KCNAB1: variants seen among roughly 807,000 people sequenced by gnomAD.
KCNAB1 encodes the protein potassium voltage-gated channel subfamily A regulatory beta subunit 1.
In KCNAB1, 35 loss-of-function variants were observed where a neutral mutation model predicts 64.6. That is an observed-to-expected ratio of 0.54 (90% CI 0.41 to 0.72). The LOEUF (loss-of-function observed/expected upper bound fraction) is 0.72, where lower values mean the gene tolerates loss of function less well. KCNAB1 is among the 30% of genes least tolerant of loss of function. KCNAB1 has a pLI of 0.00. For missense variants in KCNAB1, 401 were observed against 512.9 expected (o/e 0.78, Z 2.11); for synonymous variants, 177 against 183.8 (o/e 0.96, Z 0.30).
chr3:156,395,549 A>G lies in KCNAB1; in HGVS notation c.276-26067A>G, dbSNP rs1015128062. 8.5e-4 allele frequency among the ~76,000 whole-genome samples: 71 copies of G among 83,560 alleles called. No individual in the cohort carries two copies. The East Asian group carries it at 0.011, about 13-fold the overall frequency. The allele number at this position is 83,560 out of a possible 152,430, so 54.8% of individuals were successfully genotyped here. ...GACAGAGCGAGACTCCGTCTCAAAA[A>G]AAAAAAAAAAAAAAAAAAAAAAAAA... On this transcript the variant is annotated intron_variant, in intron 1 of 13. Coordinates refer to ENST00000490337, the MANE Select transcript of KCNAB1 (RefSeq NM_172160.3).
intron 3 of KCNAB1, chr3:156,457,135 A>G (rs1389347844): frequency 4.1e-6 from 4 of 980,020 alleles, no homozygotes; most frequent in African/African-American, 3.4e-5. Context: ...CCTCTTTGTC[A>G]GAAAGATTAA....
At chr3:156,490,812 G>A (rs893981442) in intron 8 of KCNAB1, among the ~76,000 whole-genome samples, 6 of 152,098 alleles carry the variant, frequency 3.9e-5, no homozygotes, top group Admixed American at 6.5e-5. Flanking sequence ...TTTCCAGATC[G>A]GAAGAACACA....
At chr3:156,360,267 A>G (rs1006796735) in intron 1 of KCNAB1, among the ~76,000 whole-genome samples, 1 of 152,136 alleles carries the variant, frequency 6.6e-6, no homozygotes, top group Non-Finnish European at 1.5e-5. Context: ...CCAGCTGCCC[A>G]TTTATCATCT....
intron 1 of KCNAB1, among the ~76,000 whole-genome samples, chr3:156,297,588 A>G (rs923247074): frequency 2.6e-5 from 4 of 152,198 alleles, no homozygotes; most frequent in African/African-American, 9.6e-5. Context: ...CAAAAGACTC[A>G]GACCAGATAC....
At chr3:156,206,827 A>G (rs1245274790) in intron 1 of KCNAB1, among the ~76,000 whole-genome samples, 2 of 152,120 alleles carry the variant, frequency 1.3e-5, no homozygotes, top group Non-Finnish European at 2.9e-5. Context: ...TTAGATTTCA[A>G]TCCTTTTGTA....
rs550914064 is a variant in KCNAB1 at position 156,426,540 on chromosome 3, G to GT, written c.319+4885dup. 1.5e-4 allele frequency among the ~76,000 whole-genome samples: 23 copies of GT among 152,228 alleles called. No homozygotes were observed. In the East Asian group the frequency reaches 4.4e-3, roughly 29 times the overall value. On this transcript the variant is annotated intron_variant, in intron 2 of 13. Transcript: ENST00000490337. ...ACTATTGGTGTTGTACACTCTATGG[G>GT]TTTTGACAAATATATAATGACTTGT...
chr3:156,238,385 G>GCACT (rs1411646822), intron 1 of KCNAB1, among the ~76,000 whole-genome samples: 1 of 140,430 alleles, frequency 7.1e-6, no homozygotes, highest in East Asian at 2.1e-4. Context: ...TCACGCCACT[G>GCACT]CACTCTGGCC....
chr3:156,458,800 C>T (rs1035905136), intron 4 of KCNAB1, among the ~76,000 whole-genome samples: 14 of 152,150 alleles, frequency 9.2e-5, no homozygotes, highest in Non-Finnish European at 1.6e-4. Flanking sequence ...TTGTATTACT[C>T]CTGTGAGGAT....
chr3:156,523,914 C>A lies in KCNAB1; in HGVS notation c.1048C>A (p.Arg350Ser). The change falls in exon 12 of 14, where the codon CGT (arginine) becomes AGT (serine). Residue 350 changes from arginine to serine, a missense_variant. Coordinates refer to ENST00000490337, the MANE Select transcript of KCNAB1 (RefSeq NM_172160.3). Reference sequence around the variant, plus strand: ...AAAAGACCTTTCCCCAATTGCGGAGCGTCTGGGATGCACACTACCTCAGCT... The same window carrying A: ...AAAAGACCTTTCCCCAATTGCGGAGAGTCTGGGATGCACACTACCTCAGCT... The part of the protein sequence containing the change: ...KLKDLSPIAE[R>S]LGCTLPQLAV... 1 of 1,613,962 alleles carries A rather than the reference C, an allele frequency of 6.2e-7. No individual in the cohort carries two copies. The highest frequency in any genetic ancestry group is 8.5e-7 in the Non-Finnish European group (1 of 1,179,918).
At chr3:156,205,899 G>A (rs1264565971) in intron 1 of KCNAB1, among the ~76,000 whole-genome samples, 2 of 152,194 alleles carry the variant, frequency 1.3e-5, no homozygotes, top group South Asian at 2.1e-4. Flanking sequence ...AGGCCCTTCA[G>A]TCCAGGCACA....
At chr3:156,289,024 G>T (rs1388914805) in intron 1 of KCNAB1, among the ~76,000 whole-genome samples, 1 of 152,092 alleles carries the variant, frequency 6.6e-6, no homozygotes, top group African/African-American at 2.4e-5. Context: ...GGCACTCTGT[G>T]TGGTCCTATG....
intron 1 of KCNAB1, among the ~76,000 whole-genome samples, chr3:156,224,667 T>C (rs552143671): frequency 2.6e-4 from 40 of 152,194 alleles, no homozygotes; most frequent in Middle Eastern, 3.4e-3. Context: ...TAAATAAAAT[T>C]GATAGACCAT....
At chr3:156,297,090 T>C (rs1158710028) in intron 1 of KCNAB1, among the ~76,000 whole-genome samples, 1 of 152,150 alleles carries the variant, frequency 6.6e-6, no homozygotes, top group African/African-American at 2.4e-5. Context: ...CAATGAAGAA[T>C]CAAAATTGTT....
chr3:156,259,668 G>A (rs1718313879), intron 1 of KCNAB1, among the ~76,000 whole-genome samples: 1 of 152,168 alleles, frequency 6.6e-6, no homozygotes, highest in Non-Finnish European at 1.5e-5. Context: ...CCTCTGAGTT[G>A]TTCCTTGCCC....
In KCNAB1 at chr3:156,379,260, G is replaced by A. The variant is rs371923190; in HGVS notation, c.276-42356G>A. ...GTCTGCAAGCTCTGTTCCAGGTGCT[G>A]GGGACATAGCAATAAACAAATCCAA... is the stretch of plus-strand genomic sequence containing the variant. On this transcript the variant is annotated intron_variant, in intron 1 of 13. Coordinates refer to ENST00000490337, the MANE Select transcript of KCNAB1 (RefSeq NM_172160.3). 1.1e-3 allele frequency among the ~76,000 whole-genome samples: 170 copies of A among 152,294 alleles called. 1 individual carries two copies. Among genetic ancestry groups the A allele is most frequent in the African/African-American group, 3.8e-3 (160 of 41,566 alleles).
intron 1 of KCNAB1, among the ~76,000 whole-genome samples, chr3:156,415,678 C>CCTTTGCCGCCCCTTCTCAATTTT (rs1257968366): frequency 2.0e-5 from 3 of 152,212 alleles, no homozygotes; most frequent in Non-Finnish European, 2.9e-5. Context: ...TCCATGTACA[C>CCTTTGCCGCCCCTTCTCAATTTT]CTTTGCCGCC....
chr3:156,459,800 T>G (rs1712756476), intron 4 of KCNAB1, 27 bp from the exon 5 acceptor site: 4 of 1,579,232 alleles, frequency 2.5e-6, no homozygotes, highest in Non-Finnish European at 3.5e-6. Flanking sequence ...CACTGCATTC[T>G]AAGACATTAT....
At chr3:156,161,679 T>C (rs1291117986) in intron 1 of KCNAB1, among the ~76,000 whole-genome samples, 1 of 152,262 alleles carries the variant, frequency 6.6e-6, no homozygotes, top group Non-Finnish European at 1.5e-5. Flanking sequence ...TATGGGTTTC[T>C]GCATAATCTG....
chr3:156,431,129 G>A (rs1716181454), intron 2 of KCNAB1, among the ~76,000 whole-genome samples: 1 of 152,118 alleles, frequency 6.6e-6, no homozygotes, highest in African/African-American at 2.4e-5. Context: ...CATCAATGAA[G>A]CTCCTAGTGC....
Sources: allele counts gnomAD v4.1 joint callset (sites outside exome capture counted in the v4.1 genomes callset), GRCh38; gene constraint gnomAD v4.1.1; transcripts MANE v1.5; gene names NCBI Gene and HGNC (gene_info 2026-07-23, HGNC 2026-07-21).